Variants in UNC5D observed in about 807,000 individuals in gnomAD.
UNC5D encodes unc-5 netrin receptor D.
UNC5D carries 39 observed loss-of-function variants against 105.4 expected under a neutral mutation model. That is an observed-to-expected ratio of 0.37 (90% CI 0.29 to 0.48). The LOEUF is 0.48. Among genes scored for constraint, UNC5D ranks in the 20% least tolerant of loss-of-function variants. The probability of loss-of-function intolerance (pLI) is 0.98; values close to 1 mark genes in which losing one functional copy is unlikely to be tolerated. For synonymous variants in UNC5D, 452 were observed against 450.4 expected (o/e 1.00, Z -0.04); for missense variants, 991 against 1,202.4 (o/e 0.82, Z 2.60).
chr8:35,469,216 A>T (rs1809535103), intron 1 of UNC5D, among the ~76,000 whole-genome samples: 1 of 152,194 alleles, frequency 6.6e-6, no homozygotes. Flanking sequence ...ATTAGTTAAT[A>T]CTCGAAGTCA....
chr8:35,506,821 G>A (rs1812332624), intron 1 of UNC5D, among the ~76,000 whole-genome samples: 1 of 152,138 alleles, frequency 6.6e-6, no homozygotes, highest in Admixed American at 6.5e-5. Context: ...GCGTGGAAAA[G>A]CCCTGTGAAT....
chr8:35,777,685 CAAAT>C (rs1802317301), intron 16 of UNC5D, among the ~76,000 whole-genome samples: 1 of 152,134 alleles, frequency 6.6e-6, no homozygotes, highest in African/African-American at 2.4e-5. Context: ...AGTCTGTAAA[CAAAT>C]AGATATGACT....
intron 1 of UNC5D, among the ~76,000 whole-genome samples, chr8:35,452,184 G>A (rs1018121560): frequency 6.6e-6 from 1 of 152,134 alleles, no homozygotes; most frequent in Admixed American, 6.6e-5. Context: ...TGAACCATAC[G>A]ATTTATTAAT....
rs147236743 is a variant in UNC5D at position 35,736,094 on chromosome 8, C to G, written c.1766+4998C>G. ...AAACTGTATATGCTTTTCCTGGCAC[C>G]TTTGAGGGCCTTGATTTTTCAGAAG... is the stretch of plus-strand genomic sequence containing the variant. On this transcript the variant is annotated intron_variant, in intron 11 of 16. Coordinates refer to ENST00000404895, the MANE Select transcript of UNC5D (RefSeq NM_080872.4). Among the ~76,000 whole-genome samples the G allele has an allele frequency of 7.4e-3, 1,123 of 152,234 alleles. 13 individuals are homozygous for G. Among genetic ancestry groups the G allele is most frequent in the African/African-American group, 0.026 (1,069 of 41,532 alleles).
chr8:35,360,997 C>G lies in UNC5D; in HGVS notation c.103+125110C>G, dbSNP rs186775735. 2.1e-3 allele frequency among the ~76,000 whole-genome samples: 324 copies of G among 152,140 alleles called. 5 individuals are homozygous for G. The highest frequency in any genetic ancestry group is 7.2e-3 in the African/African-American group (299 of 41,490). On this transcript the variant is annotated intron_variant, in intron 1 of 16. Coordinates refer to ENST00000404895, the MANE Select transcript of UNC5D (RefSeq NM_080872.4). ...AGATTTTTTAAAATATATATACTCT[C>G]AAACATCAAAAGCACATTTGGGCTC...
Position 35,796,421 on chromosome 8 carries a change from C to A in UNC5D, c.*5858C>A, listed in dbSNP as rs1266847393. ...AATGGACGGTTTGGATGTTTTATGT[C>A]GAGTTTGCAAAAAAAAAAAAAAAAA... On this transcript the variant is annotated 3_prime_UTR_variant, in exon 17 of 17. Coordinates refer to ENST00000404895, the MANE Select transcript of UNC5D (RefSeq NM_080872.4). 1.0e-5 allele frequency: 1 copy of A among 98,454 alleles called. No homozygotes were observed. The highest frequency in any genetic ancestry group is 1.8e-5 in the Non-Finnish European group (1 of 55,350). 6.1% of individuals were successfully genotyped at this position (98,454 alleles called of 1,614,324 possible).
chr8:35,462,196 G>A (rs965076879), intron 1 of UNC5D, among the ~76,000 whole-genome samples: 3 of 151,818 alleles, frequency 2.0e-5, no homozygotes, highest in Non-Finnish European at 4.4e-5. Flanking sequence ...ACTAAATCTA[G>A]CAAATTTAGC....
intron 1 of UNC5D, among the ~76,000 whole-genome samples, chr8:35,403,894 A>G (rs554613985): frequency 6.6e-6 from 1 of 152,188 alleles, no homozygotes; most frequent in South Asian, 2.1e-4. Flanking sequence ...CCCTCTGTCC[A>G]TCTTCCCCTC....
intron 7 of UNC5D, among the ~76,000 whole-genome samples, chr8:35,690,069 CTA>C (rs1826282492): frequency 6.6e-6 from 1 of 152,178 alleles, no homozygotes; most frequent in Non-Finnish European, 1.5e-5. Flanking sequence ...TCTATTCAAT[CTA>C]TTAATTTCTT....
At chr8:35,624,625 C>G (rs1443742282) in intron 4 of UNC5D, among the ~76,000 whole-genome samples, 1 of 152,152 alleles carries the variant, frequency 6.6e-6, no homozygotes, top group African/African-American at 2.4e-5. Flanking sequence ...AATGTCCATA[C>G]CTCTGTCTTG....
chr8:35,507,533 T>G lies in UNC5D; in HGVS notation c.104-41759T>G, dbSNP rs561278150. ...TAGAGAAATTTTCGTGGGTCTTGGT[T>G]ATTGATAAAAGGAGAGTAAACAGGT... On this transcript the variant is annotated intron_variant, in intron 1 of 16. Coordinates refer to ENST00000404895, the MANE Select transcript of UNC5D (RefSeq NM_080872.4). Among the ~76,000 whole-genome samples the G allele has an allele frequency of 3.3e-5, 5 of 151,916 alleles. 1 individual carries two copies. The East Asian group carries it at 9.7e-4, about 30-fold the overall frequency.
chr8:35,747,161 A>G (rs1830051825), intron 11 of UNC5D, among the ~76,000 whole-genome samples: 1 of 152,208 alleles, frequency 6.6e-6, no homozygotes, highest in Non-Finnish European at 1.5e-5. Flanking sequence ...AGAGGGGAGG[A>G]GACAACATGA....
At chr8:35,675,087 T>TAA (rs1399399883) in intron 4 of UNC5D, among the ~76,000 whole-genome samples, 1 of 152,166 alleles carries the variant, frequency 6.6e-6, no homozygotes, top group East Asian at 1.9e-4. Flanking sequence ...TCACAAATCT[T>TAA]AAGTGAATAT....
intron 4 of UNC5D, among the ~76,000 whole-genome samples, chr8:35,671,206 CTCTTA>C (rs1251850411): frequency 6.6e-6 from 1 of 152,104 alleles, no homozygotes; most frequent in East Asian, 1.9e-4. Context: ...TTGAGTGTCT[CTCTTA>C]TATTTGTTTC....
Position 35,442,948 on chromosome 8 carries a change from C to A in UNC5D, c.104-106344C>A, listed in dbSNP as rs149972016. On this transcript the variant is annotated intron_variant, in intron 1 of 16. Coordinates refer to ENST00000404895, the MANE Select transcript of UNC5D (RefSeq NM_080872.4). ...CACACACACACACAACACACACACA[C>A]CACTGTGCTTAAGTATTTGACAGTA... Among the ~76,000 whole-genome samples, 22 of 150,652 alleles carry A rather than the reference C, an allele frequency of 1.5e-4. No individual in the cohort carries two copies. The East Asian group carries it at 4.3e-3, about 30-fold the overall frequency.
Position 35,568,082 on chromosome 8 carries a change from T to A in UNC5D, c.323-16T>A. The stretch of plus-strand genomic sequence containing the variant: ...ACAGCCTCAGCTGATTTGTCTCTTA[T>A]CTCTCCCACCATCAGGTTTGAAGGT... On this transcript the variant is annotated splice_polypyrimidine_tract_variant and intron_variant, in intron 2 of 16. Transcript: ENST00000404895. 1.2e-6 allele frequency: 2 copies of A among 1,613,420 alleles called. No homozygotes were observed. The highest frequency in any genetic ancestry group is 8.5e-7 in the Non-Finnish European group (1 of 1,179,704).
chr8:35,624,349 G>T (rs529442046), intron 4 of UNC5D, among the ~76,000 whole-genome samples: 2 of 152,162 alleles, frequency 1.3e-5, no homozygotes, highest in African/African-American at 2.4e-5. Flanking sequence ...TAGTGTGTTT[G>T]CAGTGATAAA....
intron 13 of UNC5D, among the ~76,000 whole-genome samples, chr8:35,752,463 T>C (rs1422732039): frequency 6.6e-6 from 1 of 152,166 alleles, no homozygotes; most frequent in Non-Finnish European, 1.5e-5. Context: ...CCAGCCTGTG[T>C]TCCTGAACCG....
chr8:35,263,581 C>G (rs1201772072), intron 1 of UNC5D, among the ~76,000 whole-genome samples: 1 of 152,114 alleles, frequency 6.6e-6, no homozygotes, highest in East Asian at 1.9e-4. Flanking sequence ...GTTTCTAAGT[C>G]ATAATGGAGT....
Sources: allele counts gnomAD v4.1 joint callset (sites outside exome capture counted in the v4.1 genomes callset), GRCh38; gene constraint gnomAD v4.1.1; transcripts MANE v1.5; gene names NCBI Gene and HGNC (gene_info 2026-07-23, HGNC 2026-07-21).